GNG7: variants seen among roughly 807,000 people sequenced by gnomAD.
The protein encoded by GNG7 is G protein subunit gamma 7, also known as guanine nucleotide-binding protein G(I)/G(S)/G(O) subunit gamma-7.
GNG7 carries 1 observed loss-of-function variant against 4.0 expected under a neutral mutation model. The ratio of observed to expected loss-of-function variants is 0.25; its 90% CI spans 0.09 to 1.18. The LOEUF (loss-of-function observed/expected upper bound fraction) is 1.18, where lower values mean the gene tolerates loss of function less well. GNG7 is among the 50% of genes most tolerant of loss of function. The pLI is 0.50. For missense variants in GNG7, 86 were observed against 91.9 expected (o/e 0.94, Z 0.26); for synonymous variants, 34 against 36.9 (o/e 0.92, Z 0.29).
rs1288081813 is a variant in GNG7, at chr19:2,631,775, T to G, written c.-78+14449A>C. ...CTGTGGCTGTATGCCAATAAAACTT[T>G]ATTTATAAAAACAGGAACTAGATGG... is the stretch of plus-strand genomic sequence containing the variant. On this transcript the variant is annotated intron_variant, in intron 2 of 4. Transcript: ENST00000382159. Among the ~76,000 whole-genome samples, 3 of 152,226 alleles carry G rather than the reference T, an allele frequency of 2.0e-5. No individual in the cohort carries two copies. In the East Asian group the frequency reaches 5.8e-4, roughly 29 times the overall value.
rs188375058 is a variant in GNG7 at position 2,605,178 on chromosome 19, G to C, written c.-78+41046C>G. ...TCCATCTCCCCATGCCTTTCCTCAT[G>C]TGTCAAATCTCACTGTTGTTTTTTT... On this transcript the variant is annotated intron_variant, in intron 2 of 4. Transcript: ENST00000382159. 2.0e-5 allele frequency among the ~76,000 whole-genome samples: 3 copies of C among 152,214 alleles called. No individual in the cohort carries two copies. The East Asian group carries it at 5.8e-4, about 29-fold the overall frequency.
chr19:2,601,282 A>T (rs1447053491), intron 2 of GNG7, among the ~76,000 whole-genome samples: 1 of 152,110 alleles, frequency 6.6e-6, no homozygotes, highest in Non-Finnish European at 1.5e-5. Flanking sequence ...GTCCCTAAAA[A>T]CCATGGGGCA....
In GNG7 at chr19:2,513,664, C is replaced by A; in HGVS notation, c.*1358G>T. 1 of 685,792 alleles carries A rather than the reference C, an allele frequency of 1.5e-6. No homozygotes were observed. The highest frequency in any genetic ancestry group is 1.8e-6 in the Non-Finnish European group (1 of 556,776). The allele number at this position is 685,792 out of a possible 1,614,324, so 42.5% of individuals were successfully genotyped here. On this transcript the variant is annotated 3_prime_UTR_variant, in exon 5 of 5. Transcript: ENST00000382159. The stretch of plus-strand genomic sequence containing the variant: ...AGATCGGGTTCGAGCGACAGGGTAA[C>A]GTTTTGAGCGGACGTTTTGATCTCC...
intron 3 of GNG7, among the ~76,000 whole-genome samples, chr19:2,533,411 G>T (rs1978653080): frequency 6.6e-6 from 1 of 152,064 alleles, no homozygotes; most frequent in South Asian, 2.1e-4. Flanking sequence ...TCTGGCCAGG[G>T]TGTTGGCTAG....
chr19:2,513,270 G>T lies in GNG7; in HGVS notation c.*1752C>A. The T allele has an allele frequency of 2.4e-6, 1 of 417,098 alleles. No homozygotes were observed. Among genetic ancestry groups the T allele is most frequent in the African/African-American group, 2.2e-5 (1 of 46,436 alleles). The allele number at this position is 417,098 out of a possible 1,614,324, so 25.8% of individuals were successfully genotyped here. ...GGGCGGCCGTCCAGGAACCCTCTCG[G>T]CACGGGTTCTTAGACGCCTGTCTCC... On this transcript the variant is annotated 3_prime_UTR_variant, in exon 5 of 5. Transcript: ENST00000382159.
At chr19:2,595,998 T>C (rs990511918) in intron 2 of GNG7, among the ~76,000 whole-genome samples, 1 of 152,028 alleles carries the variant, frequency 6.6e-6, no homozygotes, top group African/African-American at 2.4e-5. Context: ...CGCTGCATGC[T>C]TGTTACTCTA....
intron 1 of GNG7, among the ~76,000 whole-genome samples, chr19:2,699,444 C>T (rs1294332337): frequency 2.0e-5 from 3 of 152,280 alleles, no homozygotes; most frequent in African/African-American, 7.2e-5. Context: ...CCACCGCACC[C>T]AGCCATAAGT....
At chr19:2,650,263 G>A (rs1306564445) in intron 1 of GNG7, among the ~76,000 whole-genome samples, 2 of 149,664 alleles carry the variant, frequency 1.3e-5, no homozygotes, top group Admixed American at 6.7e-5. Flanking sequence ...TCGGCTCACG[G>A]CAACCTCCAC....
intron 2 of GNG7, among the ~76,000 whole-genome samples, chr19:2,604,933 G>A (rs1329807896): frequency 1.3e-5 from 2 of 152,220 alleles, no homozygotes; most frequent in Non-Finnish European, 2.9e-5. Context: ...CCTTTTGGCT[G>A]TCAGTATGAG....
chr19:2,542,097 G>A (rs1349936676), intron 3 of GNG7, among the ~76,000 whole-genome samples: 2 of 145,066 alleles, frequency 1.4e-5, no homozygotes, highest in South Asian at 2.2e-4. Flanking sequence ...GGGAGGCAGC[G>A]CTGTGTGTTC....
chr19:2,578,092 C>T (rs1343476205), intron 2 of GNG7, among the ~76,000 whole-genome samples: 1 of 152,116 alleles, frequency 6.6e-6, no homozygotes, highest in African/African-American at 2.4e-5. Context: ...CCCACCTTGG[C>T]CTCCCAAAGT....
intron 1 of GNG7, among the ~76,000 whole-genome samples, chr19:2,677,727 C>T (rs928513389): frequency 6.6e-6 from 1 of 152,038 alleles, no homozygotes; most frequent in Admixed American, 6.6e-5. Context: ...CCCTAACCCC[C>T]GGGGGTCTCA....
chr19:2,576,441 C>G (rs923875136), intron 2 of GNG7, among the ~76,000 whole-genome samples: 3 of 152,226 alleles, frequency 2.0e-5, no homozygotes, highest in Admixed American at 1.3e-4. Context: ...CGGGCCGCGG[C>G]AGGCGGGGGA....
chr19:2,684,087 G>A (rs532623104), intron 1 of GNG7, among the ~76,000 whole-genome samples: 49 of 151,454 alleles, frequency 3.2e-4, no homozygotes, highest in Non-Finnish European at 6.0e-4. Context: ...TGGAGAGGCT[G>A]AAGCCAGGTG....
chr19:2,619,419 T>C (rs1981808039), intron 2 of GNG7, among the ~76,000 whole-genome samples: 1 of 152,220 alleles, frequency 6.6e-6, no homozygotes, highest in African/African-American at 2.4e-5. Flanking sequence ...GCAGAAAAGT[T>C]TGCTACCCCA....
chr19:2,553,779 T>C lies in GNG7; in HGVS notation c.-38+1370A>G, dbSNP rs376799724. Among the ~76,000 whole-genome samples, 13 of 146,420 alleles carry C rather than the reference T, an allele frequency of 8.9e-5. No individual in the cohort carries two copies. The South Asian group carries it at 2.3e-3, about 26-fold the overall frequency. ...TATGCACATATTGCATGTAATGTTA[T>C]ATCACACACATGTACGTATCATGTG... On this transcript the variant is annotated intron_variant, in intron 3 of 4. Transcript: ENST00000382159.
chr19:2,534,848 G>A (rs1279910418), intron 3 of GNG7, among the ~76,000 whole-genome samples: 1 of 152,198 alleles, frequency 6.6e-6, no homozygotes, highest in Non-Finnish European at 1.5e-5. Flanking sequence ...CTTGAAGGCT[G>A]CCAGGCAGGA....
chr19:2,635,140 G>A (rs1982272399), intron 2 of GNG7, among the ~76,000 whole-genome samples: 1 of 152,220 alleles, frequency 6.6e-6, no homozygotes, highest in Admixed American at 6.5e-5. Flanking sequence ...CATGCCAGGG[G>A]CACCCCCCAG....
At chr19:2,570,055 G>T (rs1980098468) in intron 2 of GNG7, among the ~76,000 whole-genome samples, 1 of 149,004 alleles carries the variant, frequency 6.7e-6, no homozygotes, top group Admixed American at 6.8e-5. Context: ...GTGGCGGGAG[G>T]GGGGTCCCTC....
Sources: gnomAD v4.1 joint callset for allele counts (sites outside exome capture counted in the v4.1 genomes callset) on GRCh38, gnomAD v4.1.1 for gene constraint, MANE v1.5 for transcripts, NCBI Gene and HGNC (gene_info 2026-07-23, HGNC 2026-07-21) for gene names.